DLG2: variants seen among roughly 807,000 people sequenced by gnomAD.
The protein encoded by DLG2 is disks large homolog 2.
A neutral mutation model predicts 132.5 loss-of-function variants in DLG2; 45 were observed. The observed-to-expected ratio is 0.34, with a 90% confidence interval of 0.27 to 0.44. The LOEUF (loss-of-function observed/expected upper bound fraction) is 0.44, where lower values mean the gene tolerates loss of function less well. DLG2 is among the 20% of genes least tolerant of loss of function. The pLI, the probability that DLG2 is intolerant of heterozygous loss-of-function variation, is 1.00. For synonymous variants in DLG2, 424 were observed against 419.6 expected (o/e 1.01, Z -0.13); for missense variants, 1,045 against 1,196.9 (o/e 0.87, Z 1.87).
chr11:84,564,000 T>A (rs1375520714), intron 6 of DLG2, among the ~76,000 whole-genome samples: 2 of 152,118 alleles, frequency 1.3e-5, no homozygotes, highest in Non-Finnish European at 2.9e-5. Context: ...AAATAAAGGA[T>A]AAAAGATTTA....
intron 21 of DLG2, among the ~76,000 whole-genome samples, chr11:83,524,876 C>G (rs2095567819): frequency 6.6e-6 from 1 of 152,138 alleles, no homozygotes; most frequent in Non-Finnish European, 1.5e-5. Context: ...CTTTTAGAAA[C>G]TGAAATATAT....
At chr11:84,232,529 G>T (rs2097106878) in intron 8 of DLG2, among the ~76,000 whole-genome samples, 1 of 152,164 alleles carries the variant, frequency 6.6e-6, no homozygotes, top group African/African-American at 2.4e-5. Flanking sequence ...AGAATTTTCA[G>T]ATGGGGACAA....
chr11:84,672,036 T>C (rs1430393590), intron 6 of DLG2, among the ~76,000 whole-genome samples: 2 of 152,182 alleles, frequency 1.3e-5, no homozygotes, highest in Non-Finnish European at 2.9e-5. Context: ...TGAACAGTCC[T>C]CATTTTTAAG....
At chr11:85,586,074 C>T (rs537498626) in intron 3 of DLG2, among the ~76,000 whole-genome samples, 1 of 152,306 alleles carries the variant, frequency 6.6e-6, no homozygotes, top group East Asian at 1.9e-4. Context: ...GGTATGAAAA[C>T]CACTTGATTA....
At chr11:84,448,422 C>T (rs142381244) in intron 7 of DLG2, among the ~76,000 whole-genome samples, 14 of 151,946 alleles carry the variant, frequency 9.2e-5, no homozygotes, top group South Asian at 4.1e-4. Flanking sequence ...CTCTTAAATC[C>T]GGTGGCCATT....
Position 83,506,941 on chromosome 11 carries a change from A to G in DLG2, c.2194-22713T>C, listed in dbSNP as rs187195899. Among the ~76,000 whole-genome samples the G allele has an allele frequency of 2.0e-5, 3 of 152,010 alleles. No individual in the cohort carries two copies. In the East Asian group the frequency reaches 5.8e-4, roughly 29 times the overall value. On this transcript the variant is annotated intron_variant, in intron 21 of 27. Transcript: ENST00000376104. ...TTTCATCTTTCACATAGGAGATGAG[A>G]CTCTCACTCAGGGCAATCTTAGCAA...
chr11:85,227,131 A>C (rs999496778), intron 4 of DLG2, among the ~76,000 whole-genome samples: 11 of 152,112 alleles, frequency 7.2e-5, no homozygotes, highest in African/African-American at 2.7e-4. Context: ...AATAAAACAA[A>C]AATAGCATCT....
intron 6 of DLG2, among the ~76,000 whole-genome samples, chr11:84,979,109 G>T (rs1162428505): frequency 1.3e-5 from 2 of 152,142 alleles, no homozygotes; most frequent in African/African-American, 4.8e-5. Context: ...ACCACAGTGA[G>T]ATACCATCTC....
At chr11:84,064,174 G>A (rs891533637) in intron 10 of DLG2, among the ~76,000 whole-genome samples, 7 of 151,892 alleles carry the variant, frequency 4.6e-5, no homozygotes, top group Admixed American at 3.9e-4. Context: ...GTGATTTTAC[G>A]CATTTTTAAG....
At chr11:84,840,760 A>G (rs973654926) in intron 6 of DLG2, among the ~76,000 whole-genome samples, 3 of 152,034 alleles carry the variant, frequency 2.0e-5, no homozygotes, top group African/African-American at 7.2e-5. Flanking sequence ...CAAACACTAC[A>G]TGTTCTCACT....
chr11:84,375,897 A>G (rs1398932133), intron 7 of DLG2, among the ~76,000 whole-genome samples: 1 of 151,942 alleles, frequency 6.6e-6, no homozygotes, highest in Non-Finnish European at 1.5e-5. Flanking sequence ...CTTTTGTATA[A>G]CTTATTAATT....
intron 9 of DLG2, among the ~76,000 whole-genome samples, chr11:84,123,296 C>T (rs186060917): frequency 2.6e-5 from 4 of 152,294 alleles, no homozygotes. Context: ...ATAAACTACT[C>T]CTCTTTCATA....
chr11:84,553,442 T>C (rs2099405886), intron 6 of DLG2, among the ~76,000 whole-genome samples: 1 of 152,204 alleles, frequency 6.6e-6, no homozygotes, highest in African/African-American at 2.4e-5. Flanking sequence ...ATTTAAAAAG[T>C]GCATGTTAGA....
chr11:84,600,107 A>C (rs2099572159), intron 6 of DLG2, among the ~76,000 whole-genome samples: 1 of 150,094 alleles, frequency 6.7e-6, no homozygotes, highest in Non-Finnish European at 1.5e-5. Context: ...AGTAAGAAGG[A>C]AGGAAGGAAG....
At chr11:84,001,226 A>T (rs2094329085) in intron 11 of DLG2, among the ~76,000 whole-genome samples, 1 of 151,868 alleles carries the variant, frequency 6.6e-6, no homozygotes, top group Non-Finnish European at 1.5e-5. Flanking sequence ...ACACATGAAG[A>T]CACAAAATAA....
chr11:83,962,008 C>A (rs2088922733), intron 14 of DLG2, among the ~76,000 whole-genome samples: 1 of 152,010 alleles, frequency 6.6e-6, no homozygotes, highest in Non-Finnish European at 1.5e-5. Context: ...ACAGAAAGAT[C>A]AAAGCATCCA....
intron 4 of DLG2, among the ~76,000 whole-genome samples, chr11:85,283,427 A>G (rs1041592480): frequency 6.6e-5 from 10 of 151,532 alleles, no homozygotes; most frequent in African/African-American, 2.2e-4. Context: ...AAAAATTAAA[A>G]CTATTTTGAA....
chr11:84,787,459 T>C (rs529177227), intron 6 of DLG2, among the ~76,000 whole-genome samples: 3 of 152,244 alleles, frequency 2.0e-5, no homozygotes, highest in South Asian at 2.1e-4. Context: ...TAAACTCTCA[T>C]AGCTCCACTA....
At chr11:85,175,542 A>G (rs547429039) in intron 4 of DLG2, among the ~76,000 whole-genome samples, 7 of 152,318 alleles carry the variant, frequency 4.6e-5, no homozygotes, top group Non-Finnish European at 1.0e-4. Context: ...AGAACCCTTG[A>G]AAACTGGCAC....
Sources: allele counts gnomAD v4.1 joint callset (sites outside exome capture counted in the v4.1 genomes callset), GRCh38; gene constraint gnomAD v4.1.1; transcripts MANE v1.5; gene names NCBI Gene and HGNC (gene_info 2026-07-23, HGNC 2026-07-21).